NPC1: variants seen among roughly 807,000 people sequenced by gnomAD.
NPC1 encodes the protein Niemann-Pick C1 protein.
NPC1 carries 85 observed loss-of-function variants against 140.4 expected under a neutral mutation model. The ratio of observed to expected loss-of-function variants is 0.61; its 90% CI spans 0.51 to 0.72. NPC1 has a LOEUF of 0.72. Ranked by LOEUF, NPC1 falls within the 30% of genes least tolerant of loss-of-function variation. The pLI is 0.00. For synonymous variants in NPC1, 656 were observed against 624.8 expected (o/e 1.05, Z -0.74); for missense variants, 1,504 against 1,623.8 (o/e 0.93, Z 1.27).
In NPC1 at chr18:23,541,140, C is replaced by A. The variant is rs750688087; in HGVS notation, c.2442G>T (p.Glu814Asp). ...TTTTGAAGAAGCGAAACAAACAGCTCTCTGAGGCCTGGACGCTTGTTCCAT... is the reference window on the plus strand; with the variant it reads ...TTTTGAAGAAGCGAAACAAACAGCTATCTGAGGCCTGGACGCTTGTTCCAT... Reference protein sequence around the residue: ...AEDGTSVQASESCLFRFFKNS... With the variant: ...AEDGTSVQASDSCLFRFFKNS... The change falls in exon 16 of 25, where the codon GAG becomes GAT. Residue 814 changes from glutamate to aspartate, a missense_variant. Physicochemically the swap from Glu to Asp is conservative, Grantham distance 45 (BLOSUM62 2). Coordinates refer to ENST00000269228, the MANE Select transcript of NPC1 (RefSeq NM_000271.5). The A allele has an allele frequency of 6.2e-7, 1 of 1,614,184 alleles. No homozygotes were observed.
intron 11 of NPC1, 99 bp from the exon 12 acceptor site, chr18:23,545,248 T>G: frequency 3.3e-6 from 3 of 908,732 alleles, no homozygotes; most frequent in Non-Finnish European, 5.3e-6. Context: ...CACGTTTTCT[T>G]TTTTTTGGTT....
intron 24 of NPC1, chr18:23,532,810 C>G (rs10502439): frequency 0.15 from 139,433 of 912,380 alleles, 11,127 homozygotes; most frequent in Middle Eastern, 0.23. Context: ...TACTTCAGTG[C>G]TTCAATTTAG....
At chr18:23,529,997 G>T (rs752272171), downstream of NPC1, 4 of 1,563,352 alleles carry the variant, frequency 2.6e-6, no homozygotes, top group Non-Finnish European at 3.5e-6. Context: ...TGATTTGGAA[G>T]TGTTCTTTCA....
rs143517841 is a variant in NPC1 at position 23,565,380 on chromosome 18, G to A, written c.463+3443C>T. On this transcript the variant is annotated intron_variant, in intron 4 of 24. Transcript: ENST00000269228. ...TTTTCTGTTTTTCTTTTTTTGAGAT[G>A]GAGTCTCGCTCTGTCAGCCAGGCTG... Among the ~76,000 whole-genome samples, 638 of 152,142 alleles carry A rather than the reference G, an allele frequency of 4.2e-3. 3 individuals are homozygous for A. Among genetic ancestry groups the A allele is most frequent in the African/African-American group, 0.014 (600 of 41,512 alleles).
intron 10 of NPC1, among the ~76,000 whole-genome samples, chr18:23,550,479 C>CTTCTT (rs746388624): frequency 4.0e-4 from 30 of 74,942 alleles, no homozygotes; most frequent in African/African-American, 1.8e-3. Context: ...TCTTACATTT[C>CTTCTT]TTTTTTTTTT....
chr18:23,571,589 G>A (rs1181711637), intron 3 of NPC1, among the ~76,000 whole-genome samples: 1 of 152,004 alleles, frequency 6.6e-6, no homozygotes, highest in Non-Finnish European at 1.5e-5. Flanking sequence ...CCCGGGAGGA[G>A]GTTGCAGTAA....
intron 15 of NPC1, 24 bp from the exon 16 acceptor site, chr18:23,541,232 G>T (rs766304855): frequency 2.5e-6 from 4 of 1,614,062 alleles, no homozygotes; most frequent in African/African-American, 2.7e-5. Context: ...GGGAAACAAA[G>T]GTTATACCCG....
downstream of NPC1, chr18:23,518,962 C>G: frequency 6.2e-7 from 1 of 1,614,134 alleles, no homozygotes; most frequent in East Asian, 2.2e-5. Context: ...CGGAGGTGGT[C>G]CTCTATCATC....
At chr18:23,550,020 GT>G (rs879690133) in intron 10 of NPC1, among the ~76,000 whole-genome samples, 2,113 of 140,398 alleles carry the variant, frequency 0.015, 33 homozygotes, top group African/African-American at 0.051. Flanking sequence ...TTTTTGTCCA[GT>G]TTTTTTTTTT....
chr18:23,569,272 G>C (rs2059169039), intron 3 of NPC1, among the ~76,000 whole-genome samples: 1 of 152,192 alleles, frequency 6.6e-6, no homozygotes, highest in Non-Finnish European at 1.5e-5. Context: ...TTATAATTTA[G>C]AGACATACAT....
chr18:23,534,100 AGTTGAACCAAGACGAC>A, intron 23 of NPC1: 1 of 459,008 alleles, frequency 2.2e-6, no homozygotes, highest in Non-Finnish European at 4.0e-6. Flanking sequence ...CAGGGTGTAG[AGTTGAACCAAGACGAC>A]TCTCCAGGCA....
At chr18:23,523,543 C>CAAAAAAAAAAAA (rs374224848) in intron 1 of NPC1, among the ~76,000 whole-genome samples, 18 of 76,402 alleles carry the variant, frequency 2.4e-4, no homozygotes, top group East Asian at 5.3e-4. Flanking sequence ...CTTGTCTTCA[C>CAAAAAAAAAAAA]AAAAAAAAAA....
At chr18:23,569,729 G>T (rs2059175290) in intron 3 of NPC1, among the ~76,000 whole-genome samples, 2 of 152,184 alleles carry the variant, frequency 1.3e-5, no homozygotes, top group South Asian at 4.1e-4. Flanking sequence ...AGGCCCTCCT[G>T]AAACACAAGG....
chr18:23,534,519 C>A lies in NPC1; in HGVS notation c.3518G>T (p.Arg1173Ile). 6.2e-7 allele frequency: 1 copy of A among 1,614,160 alleles called. No homozygotes were observed. Among genetic ancestry groups the A allele is most frequent in the East Asian group, 2.2e-5 (1 of 44,882 alleles). ...GCCTTTCATGCTCACCGTGAACGCT[C>A]TGGTTATGTGGCTGCAGAACTCCAC... Reference protein sequence around the residue: ...ISVEFCSHITRAFTVSMKGSR... With the variant: ...ISVEFCSHITIAFTVSMKGSR... The change falls in exon 23 of 25, where the codon AGA becomes ATA. Residue 1173 changes from arginine (R) to isoleucine (I), a missense_variant. By Grantham distance (97) the Arg-to-Ile change is moderately conservative (BLOSUM62 -3). Transcript: ENST00000269228.
intron 3 of NPC1, among the ~76,000 whole-genome samples, chr18:23,515,428 C>T (rs1445072762): frequency 6.6e-6 from 1 of 152,178 alleles, no homozygotes; most frequent in Non-Finnish European, 1.5e-5. Context: ...TAAGTAGTAG[C>T]TGTAATAAGT....
chr18:23,507,190 AT>A, intron 3 of NPC1: 1 of 511,334 alleles, frequency 2.0e-6, no homozygotes, highest in South Asian at 3.2e-5. Context: ...GTTGCATTGT[AT>A]TAGAGCCTTC....
rs201170241 is a variant in NPC1 at position 23,544,945 on chromosome 18, C to CA, written c.1947+14_1947+15insT. On this transcript the variant is annotated intron_variant, in intron 12 of 24. Coordinates refer to ENST00000269228, the MANE Select transcript of NPC1 (RefSeq NM_000271.5). ...TGTTAACCTCTAGAACATACACCAC[C>CA]CCCCCCCGGCTTACCAGAAGCCTGC... is the stretch of plus-strand genomic sequence containing the variant. The CA allele has an allele frequency of 3.7e-5, 48 of 1,291,330 alleles. 2 individuals carry two copies. In the Admixed American group the frequency reaches 3.9e-4, roughly 10 times the overall value. 80.0% of individuals were successfully genotyped at this position (1,291,330 alleles called of 1,614,324 possible). A position where few individuals can be genotyped will look rare whatever the true frequency, so the allele number is the denominator to read the frequency against.
At chr18:23,569,839 G>T (rs16940157) in intron 3 of NPC1, among the ~76,000 whole-genome samples, 3,026 of 152,280 alleles carry the variant, frequency 0.02, 98 homozygotes, top group African/African-American at 0.069. Flanking sequence ...TAAGCTGCCT[G>T]CTATCCTTCA....
At chr18:23,536,340 T>G (rs2058630623) in intron 21 of NPC1, among the ~76,000 whole-genome samples, 1 of 152,254 alleles carries the variant, frequency 6.6e-6, no homozygotes, top group South Asian at 2.1e-4. Context: ...TGGTTCATTG[T>G]TGGCCAAGAA....
Sources: allele counts gnomAD v4.1 joint callset (sites outside exome capture counted in the v4.1 genomes callset), GRCh38; gene constraint gnomAD v4.1.1; transcripts MANE v1.5; gene names NCBI Gene and HGNC (gene_info 2026-07-23, HGNC 2026-07-21).